Variants in EGFR observed in about 807,000 individuals in gnomAD.
EGFR encodes epidermal growth factor receptor.
Under a neutral mutation model 143.0 loss-of-function variants are expected in EGFR, and 58 were observed. The observed-to-expected ratio is 0.41, with a 90% CI of 0.33 to 0.50. The LOEUF is 0.50. Among genes scored for constraint, EGFR ranks in the 20% least tolerant of loss-of-function variants. The pLI, the probability that EGFR is intolerant of heterozygous loss-of-function variation, is 0.39. For synonymous variants in EGFR, 613 were observed against 594.4 expected (o/e 1.03, Z -0.45); for missense variants, 1,307 against 1,579.0 (o/e 0.83, Z 2.92).
chr7:55,170,683 G>T (rs1161518824), intron 15 of EGFR: 5 of 1,583,234 alleles, frequency 3.2e-6, no homozygotes, highest in African/African-American at 1.3e-5. Context: ...CCAACTAGTA[G>T]CTAACCATCA....
rs6952965 is a variant in EGFR at position 55,022,106 on chromosome 7, G to A, written c.88+2741G>A. 7.9e-4 allele frequency among the ~76,000 whole-genome samples: 120 copies of A among 152,312 alleles called. 1 individual carries two copies. Among genetic ancestry groups the A allele is most frequent in the African/African-American group, 2.6e-3 (108 of 41,564 alleles). Reference sequence around the variant, plus strand: ...CTGTCCGGCAGTCTGCATTCCTGCCGAGTTCCTCAGCCCTCTGTTGGGTCA... The same window carrying A: ...CTGTCCGGCAGTCTGCATTCCTGCCAAGTTCCTCAGCCCTCTGTTGGGTCA... On this transcript the variant is annotated intron_variant, in intron 1 of 27. Transcript: ENST00000275493.
chr7:55,161,764 G>A lies in EGFR; in HGVS notation c.1631+133G>A, dbSNP rs75985451. 2.0e-3 allele frequency: 2,951 copies of A among 1,482,674 alleles called. 37 individuals carry two copies. The African/African-American group carries it at 0.035, about 17-fold the overall frequency. 91.8% of individuals were successfully genotyped at this position (1,482,674 alleles called of 1,614,324 possible). On this transcript the variant is annotated intron_variant, in intron 13 of 27. Transcript: ENST00000275493. ...TGCCCTTGGCTTTTGGAGGTTTTGG[G>A]TTTTCTGTGGGGAGACGGGAAGTTG... is the stretch of plus-strand genomic sequence containing the variant.
intron 4 of EGFR, among the ~76,000 whole-genome samples, chr7:55,147,511 A>AAC (rs1445483314): frequency 2.8e-3 from 96 of 33,844 alleles, no homozygotes; most frequent in Middle Eastern, 0.01. Context: ...CCCTCAGAAC[A>AAC]AAAAAAAAAA....
At chr7:55,104,613 T>C (rs1489677810) in intron 1 of EGFR, among the ~76,000 whole-genome samples, 1 of 152,210 alleles carries the variant, frequency 6.6e-6, no homozygotes, top group Non-Finnish European at 1.5e-5. Context: ...TGAGGAGCGA[T>C]TTATGTTCTT....
chr7:55,192,933 G>A (rs1206989042), intron 22 of EGFR, 92 bp downstream of exon 22: 1 of 1,132,876 alleles, frequency 8.8e-7, no homozygotes, highest in African/African-American at 1.5e-5. Context: ...TGACATGCAA[G>A]TATTTTCTTT....
chr7:55,023,300 A>G (rs1473141030), intron 1 of EGFR, among the ~76,000 whole-genome samples: 4 of 152,204 alleles, frequency 2.6e-5, no homozygotes, highest in South Asian at 2.1e-4. Context: ...AGAAAATTTC[A>G]AAGTTTTAGA....
chr7:55,062,293 C>T (rs1470297907), intron 1 of EGFR, among the ~76,000 whole-genome samples: 2 of 152,056 alleles, frequency 1.3e-5, no homozygotes, highest in Non-Finnish European at 2.9e-5. Flanking sequence ...CACTCTCTTG[C>T]GTCATAGGCC....
chr7:55,204,826 C>G lies in EGFR; in HGVS notation c.3272-430C>G, dbSNP rs1215572760. ...TATACACACACCACATATACACACA[C>G]GTACACACACACCACACACACCCAC... On this transcript the variant is annotated intron_variant, in intron 27 of 27. Coordinates refer to ENST00000275493, the MANE Select transcript of EGFR (RefSeq NM_005228.5). Among the ~76,000 whole-genome samples the G allele has an allele frequency of 3.4e-5, 5 of 147,650 alleles. No homozygotes were observed. The South Asian group carries it at 1.1e-3, about 33-fold the overall frequency.
intron 1 of EGFR, among the ~76,000 whole-genome samples, chr7:55,038,734 G>A (rs1029282890): frequency 3.3e-5 from 5 of 152,074 alleles, no homozygotes; most frequent in African/African-American, 9.7e-5. Flanking sequence ...CCTCCTGTGT[G>A]TGTGTGTGTA....
At chr7:55,177,064 T>C (rs986092078) in intron 19 of EGFR, among the ~76,000 whole-genome samples, 22 of 152,110 alleles carry the variant, frequency 1.4e-4, no homozygotes, top group African/African-American at 5.3e-4. Context: ...TTTATTTCCT[T>C]GCCCCATGTT....
At position 55,140,250 on chromosome 7, in the gene EGFR, G is replaced by A. The variant is rs900424818; in HGVS notation, c.89-2036G>A. Among the ~76,000 whole-genome samples the A allele has an allele frequency of 3.9e-5, 6 of 152,130 alleles. No individual in the cohort carries two copies. The South Asian group carries it at 6.2e-4, about 16-fold the overall frequency. ...AGCTGAGAGAAACTTGCAAGCTGAC[G>A]TCCTTGATTATTTAAAATGAAAGCA... On this transcript the variant is annotated intron_variant, in intron 1 of 27. Coordinates refer to ENST00000275493, the MANE Select transcript of EGFR (RefSeq NM_005228.5).
At chr7:55,033,107 G>A (rs1007757561) in intron 1 of EGFR, among the ~76,000 whole-genome samples, 2 of 152,200 alleles carry the variant, frequency 1.3e-5, no homozygotes, top group African/African-American at 4.8e-5. Flanking sequence ...ATAGGTCAGT[G>A]TGATTCTAGA....
At chr7:55,113,937 A>G (rs555961520) in intron 1 of EGFR, among the ~76,000 whole-genome samples, 40 of 152,292 alleles carry the variant, frequency 2.6e-4, no homozygotes, top group Non-Finnish European at 5.9e-5. Flanking sequence ...CGACACTCTG[A>G]TGGGCACGGC....
At chr7:55,041,776 C>T (rs928240162) in intron 1 of EGFR, among the ~76,000 whole-genome samples, 21 of 152,246 alleles carry the variant, frequency 1.4e-4, no homozygotes, top group African/African-American at 3.9e-4. Context: ...AACAGGTGAG[C>T]GTGACAAGTG....
intron 20 of EGFR, among the ~76,000 whole-genome samples, chr7:55,184,416 C>T (rs556353037): frequency 6.6e-6 from 1 of 152,364 alleles, no homozygotes; most frequent in South Asian, 2.1e-4. Context: ...AGCGCTCCTT[C>T]TCATGCTCAC....
chr7:55,173,036 T>C lies in EGFR; in HGVS notation c.1973T>C (p.Leu658Pro). The C allele has an allele frequency of 1.9e-6, 3 of 1,614,080 alleles. No individual in the cohort carries two copies. Among genetic ancestry groups the C allele is most frequent in the Non-Finnish European group, 2.5e-6 (3 of 1,180,032 alleles). The change falls in exon 17 of 28, where the codon CTG becomes CCG. Residue 658 changes from leucine to proline, a missense_variant. Coordinates refer to ENST00000275493, the MANE Select transcript of EGFR (RefSeq NM_005228.5). The stretch of plus-strand genomic sequence containing the variant: ...ATGGTGGGGGCCCTCCTCTTGCTGC[T>C]GGTGGTGGCCCTGGGGATCGGCCTC... ...TGMVGALLLL[L>P]VVALGIGLFM...
At chr7:55,132,130 T>A (rs1349243164) in intron 1 of EGFR, among the ~76,000 whole-genome samples, 1 of 152,084 alleles carries the variant, frequency 6.6e-6, no homozygotes, top group Non-Finnish European at 1.5e-5. Flanking sequence ...TAAATCGCAA[T>A]TCTGCAGTAG....
At chr7:55,086,980 T>A (rs932122590) in intron 1 of EGFR, among the ~76,000 whole-genome samples, 13 of 152,186 alleles carry the variant, frequency 8.5e-5, no homozygotes, top group African/African-American at 3.1e-4. Flanking sequence ...AAATGAGAAG[T>A]CATTTTTCAG....
At chr7:55,059,192 G>A (rs890634747) in intron 1 of EGFR, among the ~76,000 whole-genome samples, 8 of 152,204 alleles carry the variant, frequency 5.3e-5, no homozygotes, top group Non-Finnish European at 1.0e-4. Context: ...ACACCAGGAA[G>A]CAGATCTTAG....
Sources: allele counts gnomAD v4.1 joint callset (sites outside exome capture counted in the v4.1 genomes callset), GRCh38; gene constraint gnomAD v4.1.1; transcripts MANE v1.5; gene names NCBI Gene and HGNC (gene_info 2026-07-23, HGNC 2026-07-21).